Variants in ABCB1 observed in about 807,000 individuals in gnomAD.
ABCB1 encodes ATP-dependent translocase ABCB1.
A neutral mutation model predicts 142.0 loss-of-function variants in ABCB1; 69 were observed. The ratio of observed to expected loss-of-function variants is 0.49; its 90% confidence interval spans 0.40 to 0.59. ABCB1 has a LOEUF of 0.59. Among genes scored for constraint, ABCB1 ranks in the 20% least tolerant of loss-of-function variants. The pLI is 0.00. For missense variants in ABCB1, 1,326 were observed against 1,554.7 expected, an observed-to-expected ratio of 0.85 and a Z score of 2.47; for synonymous variants, 532 against 539.2, an observed-to-expected ratio of 0.99 and a Z score of 0.18.
At chr7:87,641,953 A>T (rs1057021868) in intron 1 of ABCB1, among the ~76,000 whole-genome samples, 1 of 152,152 alleles carries the variant, frequency 6.6e-6, no homozygotes, top group African/African-American at 2.4e-5. Context: ...ATTAATAACA[A>T]TTTAAAATTT....
chr7:87,535,442 C>T (rs1280986355), intron 20 of ABCB1, among the ~76,000 whole-genome samples: 4 of 151,718 alleles, frequency 2.6e-5, no homozygotes, highest in Admixed American at 6.6e-5. Context: ...AAGTAATTCT[C>T]GTACCTCAGC....
At chr7:87,508,274 A>T (rs968732259) in intron 26 of ABCB1, among the ~76,000 whole-genome samples, 2 of 152,174 alleles carry the variant, frequency 1.3e-5, no homozygotes, top group African/African-American at 4.8e-5. Flanking sequence ...ACATGATCTC[A>T]TGTGACAGGT....
chr7:87,541,379 G>A lies in ABCB1; in HGVS notation c.2297C>T (p.Ser766Phe). Reference protein sequence around the residue: ...SLLFLALGIISFITFFLQGFT... With the variant: ...SLLFLALGIIFFITFFLQGFT... ...TACCTGAAGGAAAAATGTAATAAAA[G>A]AAATAATTCCAAGGGCTAGAAACAA... Residue 766 changes from serine to phenylalanine, a missense_variant, in exon 18 of 28, where the codon TCT becomes TTT. Ser to Phe is a radical substitution (Grantham distance 155). Transcript: ENST00000622132. 1.3e-6 allele frequency: 2 copies of A among 1,590,294 alleles called. No individual in the cohort carries two copies. Among genetic ancestry groups the A allele is most frequent in the East Asian group, 2.2e-5 (1 of 44,748 alleles).
chr7:87,554,757 T>C (rs1817240838), intron 8 of ABCB1, among the ~76,000 whole-genome samples: 1 of 152,242 alleles, frequency 6.6e-6, no homozygotes, highest in African/African-American at 2.4e-5. Flanking sequence ...ATCCACGGCT[T>C]CTGACTAACT....
At chr7:87,699,721 C>G (rs1828849385) in intron 1 of ABCB1, among the ~76,000 whole-genome samples, 1 of 152,116 alleles carries the variant, frequency 6.6e-6, no homozygotes, top group South Asian at 2.1e-4. Context: ...AATATTAATA[C>G]TAATATAACC....
intron 1 of ABCB1, among the ~76,000 whole-genome samples, chr7:87,623,719 CA>C (rs1342173013): frequency 6.6e-6 from 1 of 151,836 alleles, no homozygotes; most frequent in Non-Finnish European, 1.5e-5. Flanking sequence ...AAGCAATTTT[CA>C]TACATTTTCT....
intron 25 of ABCB1, among the ~76,000 whole-genome samples, chr7:87,514,958 T>G (rs993929559): frequency 1.4e-4 from 22 of 152,168 alleles, no homozygotes; most frequent in African/African-American, 5.3e-4. Flanking sequence ...TTGGTTCTTT[T>G]CAAGTCAGCT....
At chr7:87,688,279 A>C (rs958285246) in intron 1 of ABCB1, among the ~76,000 whole-genome samples, 13 of 152,256 alleles carry the variant, frequency 8.5e-5, no homozygotes, top group Non-Finnish European at 1.9e-4. Context: ...AATAAAATGA[A>C]TCTTATATTA....
intron 24 of ABCB1, among the ~76,000 whole-genome samples, chr7:87,516,232 T>C (rs1384852944): frequency 1.2e-4 from 18 of 152,106 alleles, no homozygotes; most frequent in African/African-American, 4.3e-4. Context: ...GATGACAGAG[T>C]AAGACTCTGT....
chr7:87,520,390 A>G (rs1036033294), intron 22 of ABCB1, among the ~76,000 whole-genome samples: 1 of 152,208 alleles, frequency 6.6e-6, no homozygotes, highest in African/African-American at 2.4e-5. Flanking sequence ...GGTAAAAAGC[A>G]GAAAGACAGG....
intron 1 of ABCB1, among the ~76,000 whole-genome samples, chr7:87,610,246 T>G (rs559609674): frequency 6.7e-6 from 1 of 148,898 alleles, no homozygotes; most frequent in Admixed American, 6.7e-5. Flanking sequence ...TTTTTTTTTT[T>G]TTTTTTTCTC....
chr7:87,682,606 T>C (rs1827037268), intron 1 of ABCB1, among the ~76,000 whole-genome samples: 1 of 152,210 alleles, frequency 6.6e-6, no homozygotes, highest in African/African-American at 2.4e-5. Flanking sequence ...TGAGCAGTAA[T>C]ACTTTGAAAG....
intron 24 of ABCB1, 70 bp downstream of exon 24, chr7:87,516,439 T>G (rs1584836556): frequency 1.3e-6 from 2 of 1,593,160 alleles, no homozygotes; most frequent in East Asian, 2.2e-5. Flanking sequence ...CAAATTTTAT[T>G]AAGTTTCCAC....
intron 16 of ABCB1, among the ~76,000 whole-genome samples, chr7:87,544,482 A>G (rs1172745717): frequency 1.3e-5 from 2 of 152,138 alleles, no homozygotes; most frequent in East Asian, 1.9e-4. Context: ...ATACTCCTTT[A>G]TTTTTTAAAA....
intron 14 of ABCB1, among the ~76,000 whole-genome samples, chr7:87,547,650 AC>A (rs1478847254): frequency 3.3e-5 from 5 of 152,066 alleles, no homozygotes; most frequent in African/African-American, 1.2e-4. Context: ...CAGGTGGATC[AC>A]CTGAGGTCAG....
chr7:87,549,493 C>A lies in ABCB1; in HGVS notation c.1580G>T (p.Arg527Ile). 6.2e-7 allele frequency: 1 copy of A among 1,614,184 alleles called. No individual in the cohort carries two copies. The highest frequency in any genetic ancestry group is 8.5e-7 in the Non-Finnish European group (1 of 1,180,026). Reference protein sequence around the residue: ...PHKFDTLVGERGAQLSGGQKQ... With the variant: ...PHKFDTLVGEIGAQLSGGQKQ... ...CTGCCCACCACTCAACTGGGCCCCT[C>A]TCTCTCCAACCAGGGTGTCAAATTT... Residue 527 changes from arginine (R) to isoleucine (I), a missense_variant, in exon 14 of 28, where the codon AGA becomes ATA. Arg to Ile is a moderately conservative substitution (Grantham distance 97, BLOSUM62 -3). Transcript: ENST00000622132.
chr7:87,507,257 T>C (rs1178925380), intron 26 of ABCB1, among the ~76,000 whole-genome samples: 1 of 152,194 alleles, frequency 6.6e-6, no homozygotes. Flanking sequence ...TGTCCTGTGG[T>C]AGACAAATGC....
Position 87,579,172 on chromosome 7 carries a change from G to A in ABCB1, c.286+6340C>T, listed in dbSNP as rs58621006. On this transcript the variant is annotated intron_variant, in intron 4 of 27. Coordinates refer to ENST00000622132, the MANE Select transcript of ABCB1 (RefSeq NM_001348946.2). Reference sequence around the variant, plus strand: ...ATAAGATTGTATCATCTGCCAACAGGGATAATTTGACTTCTTCCTTTCCAA... The same window carrying A: ...ATAAGATTGTATCATCTGCCAACAGAGATAATTTGACTTCTTCCTTTCCAA... 6.1e-3 allele frequency among the ~76,000 whole-genome samples: 921 copies of A among 152,172 alleles called. 6 individuals are homozygous for A. The highest frequency in any genetic ancestry group is 0.021 in the African/African-American group (864 of 41,510).
rs1818989386 is a variant in ABCB1 at position 87,591,270 on chromosome 7, G to A, written c.117+4496C>T. On this transcript the variant is annotated intron_variant, in intron 3 of 27. Coordinates refer to ENST00000622132, the MANE Select transcript of ABCB1 (RefSeq NM_001348946.2). ...CCTCCAGAAGAAATGCAATCCTGCT[G>A]ATACCTTGACTTTAGCCCAGTAAAA... 2.0e-5 allele frequency among the ~76,000 whole-genome samples: 3 copies of A among 152,202 alleles called. No homozygotes were observed. In the South Asian group the frequency reaches 6.2e-4, roughly 32 times the overall value.
Sources: allele counts gnomAD v4.1 joint callset (sites outside exome capture counted in the v4.1 genomes callset), GRCh38; gene constraint gnomAD v4.1.1; transcripts MANE v1.5; gene names NCBI Gene and HGNC (gene_info 2026-07-23, HGNC 2026-07-21).